The following TBC1D9B variants were observed in gnomAD, a reference collection of about 807,000 sequenced individuals.
TBC1D9B encodes the protein TBC1 domain family member 9B, also known as TBC1 domain family, member 9B (with GRAM domain).
In TBC1D9B, 87 loss-of-function variants were observed where a neutral mutation model predicts 121.1. That is an observed-to-expected ratio of 0.72 (90% CI 0.60 to 0.86). The LOEUF (loss-of-function observed/expected upper bound fraction) is 0.86. Ranked by LOEUF, TBC1D9B falls within the 40% of genes least tolerant of loss-of-function variation. The pLI is 0.00. For synonymous variants in TBC1D9B, 668 were observed against 670.1 expected (o/e 1.00, Z 0.05); for missense variants, 1,540 against 1,628.6 (o/e 0.95, Z 0.94).
chr5:179,873,335 T>A, intron 12 of TBC1D9B, 87 bp from the exon 13 acceptor site: 1 of 1,458,146 alleles, frequency 6.9e-7, no homozygotes, highest in South Asian at 1.4e-5. Flanking sequence ...AGGGACCCAA[T>A]CTTTATGCAG....
rs556847012 is a variant in TBC1D9B at position 179,897,198 on chromosome 5, C to T, written c.348+1991G>A. Among the ~76,000 whole-genome samples, 29 of 152,294 alleles carry T rather than the reference C, an allele frequency of 1.9e-4. 1 individual carries two copies. In the South Asian group the frequency reaches 4.8e-3, roughly 25 times the overall value. On this transcript the variant is annotated intron_variant, in intron 3 of 20. Coordinates refer to ENST00000355235, the MANE Select transcript of TBC1D9B (RefSeq NM_015043.4). ...CTGGGATTACAGGCATAAGCCACTG[C>T]GCCTGGCCCATCCTTCCTTCTTTTG...
At position 179,891,891 on chromosome 5, in the gene TBC1D9B, C is replaced by T. The variant is rs964316893; in HGVS notation, c.837-305G>A. On this transcript the variant is annotated intron_variant, in intron 5 of 20. Coordinates refer to ENST00000355235, the MANE Select transcript of TBC1D9B (RefSeq NM_015043.4). This position sits in a 1 kb window ranked among gnomAD's most constrained non-coding sequence, Gnocchi z 4.3. ...CCTGGGCAATGTGCAACCCATCCCT[C>T]GGTACTGATGGGCAAGCAGAGCCCA... Among the ~76,000 whole-genome samples the T allele has an allele frequency of 6.6e-6, 1 of 152,172 alleles. No individual in the cohort carries two copies. The highest frequency in any genetic ancestry group is 2.1e-4 in the South Asian group (1 of 4,826).
chr5:179,887,028 C>G (rs1760706173), intron 7 of TBC1D9B, among the ~76,000 whole-genome samples: 1 of 152,244 alleles, frequency 6.6e-6, no homozygotes, highest in Non-Finnish European at 1.5e-5. Context: ...AAAAAACTCA[C>G]TGGTCACATG....
In TBC1D9B at chr5:179,902,073, C is replaced by A. The variant is rs1223185626; in HGVS notation, c.229+2629G>T. 6.6e-6 allele frequency among the ~76,000 whole-genome samples: 1 copy of A among 152,258 alleles called. No homozygotes were observed. Among genetic ancestry groups the A allele is most frequent in the East Asian group, 1.9e-4 (1 of 5,204 alleles). On this transcript the variant is annotated intron_variant, in intron 2 of 20. Transcript: ENST00000355235. This position sits in a 1 kb window ranked among gnomAD's most constrained non-coding sequence, Gnocchi z 4.9. Reference sequence around the variant, plus strand: ...AGCTGGGAAGTGATCAAATCAGAATCCTAACCCTGGGTGCCTGGCTGCAGA... The same window carrying A: ...AGCTGGGAAGTGATCAAATCAGAATACTAACCCTGGGTGCCTGGCTGCAGA...
rs28723449 is a variant in TBC1D9B, at chr5:179,890,942, C to T, written c.1044+437G>A. Among the ~76,000 whole-genome samples, 2,958 of 152,314 alleles carry T rather than the reference C, an allele frequency of 0.019. 62 individuals carry two copies. Among genetic ancestry groups the T allele is most frequent in the African/African-American group, 0.061 (2,524 of 41,562 alleles). ...CCGACCTCTGATGGCCTGCTGGAGC[C>T]GAGCCACGCCAAGGTGGTATGTCCA... On this transcript the variant is annotated intron_variant, in intron 6 of 20. Coordinates refer to ENST00000355235, the MANE Select transcript of TBC1D9B (RefSeq NM_015043.4). This position sits in a 1 kb window ranked among gnomAD's most constrained non-coding sequence, Gnocchi z 5.0.
chr5:179,868,137 C>T (rs114048281), intron 17 of TBC1D9B: 4,195 of 237,298 alleles, frequency 0.018, 54 homozygotes, highest in Non-Finnish European at 0.026. Context: ...TACTGGGCTA[C>T]AGTGATTCTC....
chr5:179,880,151 A>G, intron 7 of TBC1D9B: 1 of 278,184 alleles, frequency 3.6e-6, no homozygotes, highest in Non-Finnish European at 6.8e-6. Context: ...CCTCGGGCCC[A>G]TGCTTCCTGG....
In TBC1D9B at chr5:179,865,893, A is replaced by G. The variant is rs763706616; in HGVS notation, c.2864-5T>C. On this transcript the variant is annotated splice_polypyrimidine_tract_variant and splice_region_variant and intron_variant, in intron 18 of 20. Transcript: ENST00000355235. The surrounding 1 kb of genome is among the most constrained non-coding windows in gnomAD (Gnocchi z 5.1). Reference sequence around the variant, plus strand: ...GCTCTTCCTGTGGTAGTGCTTCTGGACAAACGCAAAAATAAAAAGAACATG... The same window carrying G: ...GCTCTTCCTGTGGTAGTGCTTCTGGGCAAACGCAAAAATAAAAAGAACATG... 6.2e-7 allele frequency: 1 copy of G among 1,613,930 alleles called. No individual in the cohort carries two copies. The highest frequency in any genetic ancestry group is 8.5e-7 in the Non-Finnish European group (1 of 1,179,882).
At chr5:179,903,521 A>G (rs1761221016) in intron 2 of TBC1D9B, among the ~76,000 whole-genome samples, 1 of 152,236 alleles carries the variant, frequency 6.6e-6, no homozygotes, top group East Asian at 1.9e-4. Flanking sequence ...ATCCTGAACC[A>G]GTACCCCGGG....
Position 179,878,453 on chromosome 5 carries a change from G to A in TBC1D9B, c.1638C>T (p.Tyr546=), listed in dbSNP as rs1463067755. 5 of 1,612,486 alleles carry A rather than the reference G, an allele frequency of 3.1e-6. No individual in the cohort carries two copies. The highest frequency in any genetic ancestry group is 3.4e-6 in the Non-Finnish European group (4 of 1,179,448). Residue 546 remains tyrosine (Y), a synonymous_variant, in exon 10 of 21, where the codon TAC becomes TAT. Transcript: ENST00000355235. The stretch of plus-strand genomic sequence containing the variant: ...GCTCGATCTCCTCTGTGGCCAGGCT[G>A]TACTTCCCGGTGGACTTCTCCACCA... ...AELVEKSTGK[Y]SLATEEIERD... is the part of the protein sequence containing the mutation.
rs1180015310 is a variant in TBC1D9B at position 179,874,596 on chromosome 5, T to G, written c.2186+306A>C. On this transcript the variant is annotated intron_variant, in intron 12 of 20. Transcript: ENST00000355235. This position sits in a 1 kb window ranked among gnomAD's most constrained non-coding sequence, Gnocchi z 4.3. ...CCAGCTGTGCCACCAACTGGAATTG[T>G]GGTCACTGGATCTTGGCTCTGGTTT... Among the ~76,000 whole-genome samples, 1 of 152,160 alleles carries G rather than the reference T, an allele frequency of 6.6e-6. No homozygotes were observed. The highest frequency in any genetic ancestry group is 2.4e-5 in the African/African-American group (1 of 41,444).
intron 10 of TBC1D9B, among the ~76,000 whole-genome samples, chr5:179,877,613 G>A (rs1173241578): frequency 1.4e-5 from 2 of 146,654 alleles, no homozygotes; most frequent in African/African-American, 2.5e-5. Flanking sequence ...GCAGTGAGCT[G>A]AGACTGCACC....
rs143311367 is a variant in TBC1D9B, at chr5:179,894,438, C to T, written c.525G>A (p.Leu175=). The T allele has an allele frequency of 7.4e-6, 12 of 1,613,944 alleles. No homozygotes were observed. Among genetic ancestry groups the T allele is most frequent in the Non-Finnish European group, 9.3e-6 (11 of 1,179,974 alleles). The stretch of plus-strand genomic sequence containing the variant: ...AGCACAGGTGGTTGACCGTCAGGTA[C>T]AGCCAGCCCTGCCGGGGCACGCGGC... The part of the protein sequence containing the change: ...WKGRVPRQGW[L]YLTVNHLCFY... The change falls in exon 4 of 21, where the codon CTG becomes CTA. Residue 175 remains leucine (L), a synonymous_variant. Transcript: ENST00000355235.
At chr5:179,878,079 C>A (rs946785652) in intron 10 of TBC1D9B, among the ~76,000 whole-genome samples, 2 of 152,224 alleles carry the variant, frequency 1.3e-5, no homozygotes, top group Non-Finnish European at 2.9e-5. Context: ...CAAACACATA[C>A]AACAATCAAA....
At position 179,874,408 on chromosome 5, in the gene TBC1D9B, G is replaced by A. The variant is rs1451140093; in HGVS notation, c.2186+494C>T. 6.6e-6 allele frequency among the ~76,000 whole-genome samples: 1 copy of A among 152,136 alleles called. No homozygotes were observed. Among genetic ancestry groups the A allele is most frequent in the African/African-American group, 2.4e-5 (1 of 41,424 alleles). On this transcript the variant is annotated intron_variant, in intron 12 of 20. Coordinates refer to ENST00000355235, the MANE Select transcript of TBC1D9B (RefSeq NM_015043.4). This position sits in a 1 kb window ranked among gnomAD's most constrained non-coding sequence, Gnocchi z 4.3. ...ATGTGGGGACTAAGGAGGGGGTGGAGGGGCTGGGATGACCCTGGACATTTG... is the reference window on the plus strand; with the variant it reads ...ATGTGGGGACTAAGGAGGGGGTGGAAGGGCTGGGATGACCCTGGACATTTG...
At chr5:179,886,129 G>A (rs1390517757) in intron 7 of TBC1D9B, among the ~76,000 whole-genome samples, 1 of 152,146 alleles carries the variant, frequency 6.6e-6, no homozygotes, top group East Asian at 1.9e-4. Flanking sequence ...GAGAGAAAAT[G>A]GAGCCCCCTT....
intron 7 of TBC1D9B, among the ~76,000 whole-genome samples, chr5:179,883,465 A>G (rs554331098): frequency 2.8e-4 from 42 of 150,560 alleles, no homozygotes; most frequent in Non-Finnish European, 4.6e-4. Flanking sequence ...TTTTTCTCCT[A>G]TCTCTTCCTT....
In TBC1D9B at chr5:179,869,547, C is replaced by T. The variant is rs1365378152; in HGVS notation, c.2791+222G>A. On this transcript the variant is annotated intron_variant, in intron 17 of 20. Coordinates refer to ENST00000355235, the MANE Select transcript of TBC1D9B (RefSeq NM_015043.4). ...TTCTGTACCCAGCAGTGCCCGGTCACCCATGGGATTCTCCTCCACGTCCCT... is the reference window on the plus strand; with the variant it reads ...TTCTGTACCCAGCAGTGCCCGGTCATCCATGGGATTCTCCTCCACGTCCCT... The T allele has an allele frequency of 4.4e-6, 3 of 684,622 alleles. No individual in the cohort carries two copies. The East Asian group carries it at 8.5e-5, about 19-fold the overall frequency. The allele number at this position is 684,622 out of a possible 1,614,324, so 42.4% of individuals were successfully genotyped here.
At chr5:179,905,283 C>T (rs1388750413) in intron 1 of TBC1D9B, among the ~76,000 whole-genome samples, 7 of 152,188 alleles carry the variant, frequency 4.6e-5, no homozygotes, top group Non-Finnish European at 7.3e-5. Context: ...ATACGTCTTC[C>T]GGACAGTTCT....
Sources: gnomAD v4.1 joint callset for allele counts (sites outside exome capture counted in the v4.1 genomes callset) on GRCh38, gnomAD v4.1.1 for gene constraint, Gnocchi (gnomAD v3.1) non-coding constraint, MANE v1.5 for transcripts, NCBI Gene and HGNC (gene_info 2026-07-23, HGNC 2026-07-21) for gene names.